The following NCOA6 variants were observed in gnomAD, a reference collection of about 807,000 sequenced individuals.
NCOA6 encodes NRC RAP250.
Under a neutral mutation model 171.4 loss-of-function variants are expected in NCOA6, and 49 were observed. That is an observed-to-expected ratio of 0.29 (90% CI 0.23 to 0.36). The LOEUF is 0.36. Ranked by LOEUF, NCOA6 falls within the 10% of genes least tolerant of loss-of-function variation. The pLI is 1.00. For missense variants in NCOA6, 2,248 were observed against 2,554.5 expected (o/e 0.88, Z 2.59); for synonymous variants, 910 against 927.5 (o/e 0.98, Z 0.34).
chr20:34,812,854 A>G (rs1448004148), intron 1 of NCOA6, among the ~76,000 whole-genome samples: 1 of 152,010 alleles, frequency 6.6e-6, no homozygotes, highest in Non-Finnish European at 1.5e-5. Context: ...CACTTCTACA[A>G]AAAAAATTTA....
intron 5 of NCOA6, among the ~76,000 whole-genome samples, chr20:34,759,529 A>G (rs1424601038): frequency 6.6e-6 from 1 of 152,098 alleles, no homozygotes; most frequent in African/African-American, 2.4e-5. Context: ...GGTAAACTGC[A>G]CTTTTTCTGT....
chr20:34,756,087 G>C (rs1452712965), intron 7 of NCOA6, among the ~76,000 whole-genome samples: 1 of 152,118 alleles, frequency 6.6e-6, no homozygotes, highest in Non-Finnish European at 1.5e-5. Flanking sequence ...ACTCTTAGTA[G>C]ACAAATATGC....
intron 4 of NCOA6, among the ~76,000 whole-genome samples, chr20:34,775,393 C>G (rs919913808): frequency 6.6e-6 from 1 of 151,786 alleles, no homozygotes; most frequent in African/African-American, 2.4e-5. Flanking sequence ...GGTAAAAATA[C>G]TGAAAATGAA....
At chr20:34,775,948 A>C (rs1395097113) in intron 4 of NCOA6, among the ~76,000 whole-genome samples, 3 of 152,204 alleles carry the variant, frequency 2.0e-5, no homozygotes, top group Admixed American at 6.6e-5. Flanking sequence ...GTCTCTAAAA[A>C]TAACAACAAT....
rs139851801 is a variant in NCOA6 at position 34,749,833 on chromosome 20, G to C, written c.2362C>G (p.Leu788Val). 1.2e-6 allele frequency: 2 copies of C among 1,614,240 alleles called. No homozygotes were observed. Among genetic ancestry groups the C allele is most frequent in the South Asian group, 2.2e-5 (2 of 91,084 alleles). ...TGTGGGCTGGGCCCTGGTGGCCGCA[G>C]GACCTGTCCCTGAATGCCCATAACC... ...SQVMGIQGQV[L>V]RPPGPSPHMA... The change falls in exon 9 of 15, where the codon CTG becomes GTG. Residue 788 changes from leucine (L) to valine (V), a missense_variant. By Grantham distance (32) the Leu-to-Val change is conservative (BLOSUM62 1). This residue lies in a region of NCOA6 where 987 missense variants were observed against 1,104.7 expected (regional missense o/e 0.89). Coordinates refer to ENST00000359003, the MANE Select transcript of NCOA6 (RefSeq NM_014071.5).
intron 1 of NCOA6, among the ~76,000 whole-genome samples, chr20:34,799,866 G>C (rs1483675270): frequency 6.6e-6 from 1 of 152,148 alleles, no homozygotes; most frequent in Non-Finnish European, 1.5e-5. Context: ...CAATCTGAAA[G>C]CAAAGGACGT....
chr20:34,783,584 T>C (rs1042157753), intron 2 of NCOA6, among the ~76,000 whole-genome samples: 2 of 152,220 alleles, frequency 1.3e-5, no homozygotes, highest in East Asian at 3.8e-4. Flanking sequence ...ACAAATGTTC[T>C]AATAAAATAA....
chr20:34,727,149 A>G (rs779805816), intron 14 of NCOA6, 110 bp downstream of exon 14: 52 of 1,304,752 alleles, frequency 4.0e-5, no homozygotes, highest in Non-Finnish European at 5.2e-5. Flanking sequence ...AAGACACTTG[A>G]CAGACTTCAG....
chr20:34,807,532 T>G (rs899991600), intron 1 of NCOA6, among the ~76,000 whole-genome samples: 1 of 152,126 alleles, frequency 6.6e-6, no homozygotes, highest in Admixed American at 6.5e-5. Flanking sequence ...GCAATTTCCT[T>G]TTTTATTTTT....
chr20:34,718,002 C>T (rs1988815388), intron 14 of NCOA6, among the ~76,000 whole-genome samples: 1 of 152,102 alleles, frequency 6.6e-6, no homozygotes, highest in Non-Finnish European at 1.5e-5. Flanking sequence ...TGCTTGTTCC[C>T]ATTTGTCACT....
At chr20:34,776,474 T>G in intron 3 of NCOA6, 26 bp from the exon 4 acceptor site, 4 of 1,610,490 alleles carry the variant, frequency 2.5e-6, no homozygotes, top group Non-Finnish European at 3.4e-6. Flanking sequence ...AAAAGAATTA[T>G]ATTAATAATC....
chr20:34,806,921 G>GT (rs1340462332), intron 1 of NCOA6, among the ~76,000 whole-genome samples: 1 of 152,148 alleles, frequency 6.6e-6, no homozygotes, highest in African/African-American at 2.4e-5. Context: ...TTTTAGGATT[G>GT]TTTTTTCTAA....
intron 1 of NCOA6, among the ~76,000 whole-genome samples, chr20:34,824,558 C>G (rs77318638): frequency 0.036 from 5,542 of 152,274 alleles, 140 homozygotes; most frequent in Non-Finnish European, 0.056. Flanking sequence ...TCACCGCCCC[C>G]AAACAGCCAG....
chr20:34,768,123 G>A (rs1165309037), intron 5 of NCOA6, among the ~76,000 whole-genome samples: 1 of 152,176 alleles, frequency 6.6e-6, no homozygotes, highest in African/African-American at 2.4e-5. Flanking sequence ...GAGTTGGAAA[G>A]CTACATTCTC....
intron 14 of NCOA6, among the ~76,000 whole-genome samples, chr20:34,724,934 G>A (rs374889629): frequency 5.2e-4 from 79 of 151,904 alleles, no homozygotes; most frequent in African/African-American, 1.4e-3. Flanking sequence ...GATTACAGGC[G>A]CCCACCACCA....
Position 34,761,344 on chromosome 20 carries a change from T to A in NCOA6, c.515-2411A>T, listed in dbSNP as rs182518090. On this transcript the variant is annotated intron_variant, in intron 5 of 14. Transcript: ENST00000359003. ...TGTTGTATTGGCTACATCTCACACA[T>A]TTCAGTATATATTATTCTCATAATT... Among the ~76,000 whole-genome samples the A allele has an allele frequency of 4.0e-3, 607 of 152,288 alleles. 4 individuals are homozygous for A. Among genetic ancestry groups the A allele is most frequent in the Non-Finnish European group, 3.9e-3 (267 of 68,014 alleles).
At chr20:34,803,209 T>C (rs1488183301) in intron 1 of NCOA6, among the ~76,000 whole-genome samples, 1 of 152,140 alleles carries the variant, frequency 6.6e-6, no homozygotes, top group Non-Finnish European at 1.5e-5. Flanking sequence ...GGCTCACACC[T>C]GTAATCTCAG....
chr20:34,818,801 T>C (rs1265751153), intron 1 of NCOA6, among the ~76,000 whole-genome samples: 2 of 152,228 alleles, frequency 1.3e-5, no homozygotes, highest in African/African-American at 4.8e-5. Flanking sequence ...GTTTCCAGAA[T>C]ACATGGTAGG....
At chr20:34,785,079 C>T (rs1390693133) in intron 2 of NCOA6, among the ~76,000 whole-genome samples, 2 of 151,946 alleles carry the variant, frequency 1.3e-5, no homozygotes, top group Non-Finnish European at 2.9e-5. Context: ...AAGACTTCAT[C>T]TCAAAAATAA....
Sources: allele counts gnomAD v4.1 joint callset (sites outside exome capture counted in the v4.1 genomes callset), GRCh38; gene constraint gnomAD v4.1.1; regional missense constraint gnomAD v4.1.1; transcripts MANE v1.5; gene names NCBI Gene and HGNC (gene_info 2026-07-23, HGNC 2026-07-21).